INIP: variants seen among roughly 807,000 people sequenced by gnomAD.
INIP encodes INTS3 and NABP interacting protein, also known as SOSS complex subunit C.
INIP carries 9 observed loss-of-function variants against 14.0 expected under a neutral mutation model. The observed-to-expected ratio is 0.64, with a 90% CI of 0.39 to 1.12. The LOEUF (loss-of-function observed/expected upper bound fraction) is 1.12. Ranked by LOEUF, INIP falls within the 50% of genes most tolerant of loss-of-function variation. INIP has a pLI of 0.01. For missense variants in INIP, 78 were observed against 122.7 expected, an observed-to-expected ratio of 0.64 and a Z score of 1.72; for synonymous variants, 37 against 41.5, an observed-to-expected ratio of 0.89 and a Z score of 0.41.
At chr9:112,690,179 G>C (rs60002429) in intron 3 of INIP, among the ~76,000 whole-genome samples, 26,293 of 152,100 alleles carry the variant, frequency 0.17, 2,609 homozygotes, top group Admixed American at 0.24. Flanking sequence ...GGCAGCAGGG[G>C]AGTGACATGA....
intron 2 of INIP, among the ~76,000 whole-genome samples, chr9:112,712,567 T>C (rs959592367): frequency 6.6e-6 from 1 of 152,198 alleles, no homozygotes; most frequent in African/African-American, 2.4e-5. Context: ...ATTATAAATA[T>C]GTTCAAAGAC....
At chr9:112,710,084 G>A (rs1419558391) in intron 2 of INIP, among the ~76,000 whole-genome samples, 1 of 152,164 alleles carries the variant, frequency 6.6e-6, no homozygotes, top group African/African-American at 2.4e-5. Context: ...ATTGAGAGGT[G>A]GCATACTTTA....
intron 2 of INIP, among the ~76,000 whole-genome samples, chr9:112,696,277 G>A (rs1488565368): frequency 6.6e-6 from 1 of 151,870 alleles, no homozygotes; most frequent in Non-Finnish European, 1.5e-5. Context: ...CCTTTTTCCT[G>A]CCTGATCTCT....
intron 2 of INIP, among the ~76,000 whole-genome samples, chr9:112,702,405 T>C (rs1333910391): frequency 6.6e-6 from 1 of 152,186 alleles, no homozygotes; most frequent in Non-Finnish European, 1.5e-5. Context: ...CATAAACTTC[T>C]ATAAATTATT....
chr9:112,701,532 C>T (rs1053313528), intron 2 of INIP, among the ~76,000 whole-genome samples: 10 of 152,076 alleles, frequency 6.6e-5, no homozygotes, highest in Non-Finnish European at 7.3e-5. Context: ...TATGGGAAGA[C>T]GTGTTTAAGT....
intron 2 of INIP, among the ~76,000 whole-genome samples, chr9:112,706,520 G>C (rs1838473778): frequency 1.3e-5 from 2 of 151,648 alleles, no homozygotes; most frequent in Non-Finnish European, 2.9e-5. Flanking sequence ...TCCCAAAGTA[G>C]TGGGATTACA....
At position 112,716,508 on chromosome 9, in the gene INIP, G is replaced by A. The variant is rs1838822688; in HGVS notation, c.-23C>T. The A allele has an allele frequency of 6.2e-7, 1 of 1,612,118 alleles. No individual in the cohort carries two copies. Among genetic ancestry groups the A allele is most frequent in the East Asian group, 2.2e-5 (1 of 44,832 alleles). On this transcript the variant is annotated 5_prime_UTR_variant, in exon 2 of 5. Coordinates refer to ENST00000374242, the MANE Select transcript of INIP (RefSeq NM_021218.3). ...CATTTTCCTATTTTGTTTCAAGTATGTCCAGTGGCAATTGGTCAGCACTTC... is the reference window on the plus strand; with the variant it reads ...CATTTTCCTATTTTGTTTCAAGTATATCCAGTGGCAATTGGTCAGCACTTC...
intron 2 of INIP, among the ~76,000 whole-genome samples, chr9:112,704,362 T>C (rs985628645): frequency 9.2e-5 from 14 of 152,176 alleles, no homozygotes; most frequent in Non-Finnish European, 1.8e-4. Context: ...ACATCTATAA[T>C]TCCTAGCACC....
At chr9:112,715,358 A>C (rs556565504) in intron 2 of INIP, among the ~76,000 whole-genome samples, 1 of 152,368 alleles carries the variant, frequency 6.6e-6, no homozygotes, top group East Asian at 1.9e-4. Context: ...CTTAGGCTGC[A>C]CTAAATTTAT....
In INIP at chr9:112,692,153, G is replaced by A. The variant is rs192480817; in HGVS notation, c.128+1978C>T. On this transcript the variant is annotated intron_variant, in intron 3 of 4. Transcript: ENST00000374242. ...AGACCTAGGCAAGAACATTTTCTTT[G>A]ATGGAGGGCCTGGAAGTCAGACTGC... Among the ~76,000 whole-genome samples, 11 of 152,338 alleles carry A rather than the reference G, an allele frequency of 7.2e-5. No homozygotes were observed. The East Asian group carries it at 2.1e-3, about 29-fold the overall frequency.
At position 112,684,362 on chromosome 9, in the gene INIP, T is replaced by G. The variant is rs1837582695; in HGVS notation, c.*3176A>C. 1 of 150,900 alleles carries G rather than the reference T, an allele frequency of 6.6e-6. No homozygotes were observed. The highest frequency in any genetic ancestry group is 6.6e-5 in the Admixed American group (1 of 15,064). The allele number at this position is 150,900 out of a possible 1,614,324, so 9.3% of individuals were successfully genotyped here. ...GAGTTCAAGACCAGCCTGGGCAACA[T>G]AGCAAGATGCTGTCTCTACAAAAAT... On this transcript the variant is annotated 3_prime_UTR_variant, in exon 5 of 5. Coordinates refer to ENST00000374242, the MANE Select transcript of INIP (RefSeq NM_021218.3).
Position 112,689,619 on chromosome 9 carries a change from T to G in INIP, c.129-2A>C. On this transcript the variant is annotated splice_acceptor_variant, in intron 3 of 4. Coordinates refer to ENST00000374242, the MANE Select transcript of INIP (RefSeq NM_021218.3). LOFTEE classifies it high-confidence loss of function. ...AGAGAGGGTCTCGAGAGTGCAATGC[T>G]AAAATGGGAATCTTGGTTACTCAGC... is the stretch of plus-strand genomic sequence containing the variant. The G allele has an allele frequency of 6.2e-7, 1 of 1,612,410 alleles. No homozygotes were observed. The highest frequency in any genetic ancestry group is 8.5e-7 in the Non-Finnish European group (1 of 1,178,408).
chr9:112,694,084 C>T (rs1296460314), intron 3 of INIP, 47 bp downstream of exon 3: 2 of 1,301,908 alleles, frequency 1.5e-6, no homozygotes, highest in African/African-American at 3.0e-5. Flanking sequence ...CAAAACAAAA[C>T]AAAACAAAAC....
At chr9:112,695,734 G>A (rs1047599406) in intron 2 of INIP, among the ~76,000 whole-genome samples, 21 of 140,760 alleles carry the variant, frequency 1.5e-4, no homozygotes, top group Middle Eastern at 3.7e-3. Flanking sequence ...AAGAAGAAGA[G>A]GAAGAAGAGG....
At chr9:112,715,823 T>C (rs1405874668) in intron 2 of INIP, among the ~76,000 whole-genome samples, 1 of 152,016 alleles carries the variant, frequency 6.6e-6, no homozygotes, top group Non-Finnish European at 1.5e-5. Flanking sequence ...AAAAGTTTTC[T>C]ATTTTTAAAA....
intron 2 of INIP, among the ~76,000 whole-genome samples, chr9:112,704,921 G>A (rs567504857): frequency 6.6e-6 from 1 of 152,020 alleles, no homozygotes; most frequent in Non-Finnish European, 1.5e-5. Flanking sequence ...ACCAGCCTGG[G>A]CAACATAGTG....
Position 112,686,015 on chromosome 9 carries a change from G to A in INIP, c.*1523C>T, listed in dbSNP as rs1289490810. ...TGTTTGAAAACATCTAAGGAAGAAAGGGGGGAACAAACTCTCTGAAAAGAA... is the reference window on the plus strand; with the variant it reads ...TGTTTGAAAACATCTAAGGAAGAAAAGGGGGAACAAACTCTCTGAAAAGAA... On this transcript the variant is annotated 3_prime_UTR_variant, in exon 5 of 5. Transcript: ENST00000374242. 3 of 152,120 alleles carry A rather than the reference G, an allele frequency of 2.0e-5. No individual in the cohort carries two copies. Among genetic ancestry groups the A allele is most frequent in the East Asian group, 3.8e-4 (2 of 5,198 alleles). 9.4% of individuals were successfully genotyped at this position (152,120 alleles called of 1,614,324 possible). A position where few individuals can be genotyped will look rare whatever the true frequency, so the allele number is the denominator to read the frequency against.
chr9:112,707,348 G>C (rs1221983727), intron 2 of INIP, among the ~76,000 whole-genome samples: 1 of 142,790 alleles, frequency 7.0e-6, no homozygotes, highest in African/African-American at 2.6e-5. Context: ...TTTTTTAAGA[G>C]ACAGGATCTT....
chr9:112,695,116 T>C (rs1160594013), intron 2 of INIP, among the ~76,000 whole-genome samples: 1 of 152,192 alleles, frequency 6.6e-6, no homozygotes, highest in African/African-American at 2.4e-5. Flanking sequence ...TAAGAAATAG[T>C]TGTCCCCTTT....
Sources: gnomAD v4.1 joint callset for allele counts (sites outside exome capture counted in the v4.1 genomes callset) on GRCh38, gnomAD v4.1.1 for gene constraint, MANE v1.5 for transcripts, NCBI Gene and HGNC (gene_info 2026-07-23, HGNC 2026-07-21) for gene names.